The following MEI1 variants were observed in gnomAD, a reference collection of about 807,000 sequenced individuals.
The protein encoded by MEI1 is meiotic double-stranded break formation protein 1, also known as meiosis inhibitor protein 1.
MEI1 carries 103 observed loss-of-function variants against 146.2 expected under a neutral mutation model. That is an observed-to-expected ratio of 0.70 (90% CI 0.60 to 0.83). The LOEUF (loss-of-function observed/expected upper bound fraction) is 0.83, where lower values mean the gene tolerates loss of function less well. MEI1 is among the 40% of genes least tolerant of loss of function. The pLI, the probability that MEI1 is intolerant of heterozygous loss-of-function variation, is 0.00. For synonymous variants in MEI1, 652 were observed against 628.2 expected, an observed-to-expected ratio of 1.04 and a Z score of -0.57; for missense variants, 1,529 against 1,533.0, an observed-to-expected ratio of 1.00 and a Z score of 0.04.
intron 15 of MEI1, among the ~76,000 whole-genome samples, chr22:41,748,686 T>C (rs1172844662): frequency 6.6e-6 from 1 of 152,220 alleles, no homozygotes; most frequent in Non-Finnish European, 1.5e-5. Context: ...TCTATTATGA[T>C]TGTACTCATT....
At chr22:41,707,083 A>G (rs2069151574) in intron 3 of MEI1, among the ~76,000 whole-genome samples, 1 of 151,662 alleles carries the variant, frequency 6.6e-6, no homozygotes, top group Admixed American at 6.6e-5. Flanking sequence ...GGCACCTGTA[A>G]TCCCAGCTAC....
intron 22 of MEI1, among the ~76,000 whole-genome samples, chr22:41,779,980 G>A (rs2075671602): frequency 6.6e-6 from 1 of 152,162 alleles, no homozygotes; most frequent in African/African-American, 2.4e-5. Context: ...TGAAGATGGG[G>A]CATCTTCCCT....
At chr22:41,726,924 C>G (rs2071408659) in intron 7 of MEI1, among the ~76,000 whole-genome samples, 1 of 151,926 alleles carries the variant, frequency 6.6e-6, no homozygotes. Context: ...CAGGCGCCCG[C>G]CACCACACCC....
intron 19 of MEI1, among the ~76,000 whole-genome samples, chr22:41,768,628 A>G (rs1004252577): frequency 1.3e-5 from 2 of 152,222 alleles, no homozygotes; most frequent in Non-Finnish European, 2.9e-5. Flanking sequence ...TCTTACAGTC[A>G]TGGCAGAAAG....
rs140752749 is a variant in MEI1 at position 41,718,003 on chromosome 22, G to A, written c.530-68G>A. ...CATTACTACCCCGTTAGGAATAATA[G>A]ATTGGAGTTTCATATAGCAGTTGAC... On this transcript the variant is annotated intron_variant, in intron 5 of 30. Transcript: ENST00000401548. The A allele has an allele frequency of 2.8e-4, 356 of 1,250,962 alleles. No individual in the cohort carries two copies. In the African/African-American group the frequency reaches 4.7e-3, roughly 16 times the overall value. The allele number at this position is 1,250,962 out of a possible 1,614,324, so 77.5% of individuals were successfully genotyped here.
intron 5 of MEI1, 104 bp downstream of exon 5, chr22:41,716,250 T>A: frequency 1.3e-6 from 1 of 760,802 alleles, no homozygotes; most frequent in South Asian, 1.7e-5. Context: ...GTCATTACTT[T>A]CCTGCTTTAG....
intron 8 of MEI1, among the ~76,000 whole-genome samples, chr22:41,730,110 A>G (rs1043460712): frequency 1.3e-5 from 2 of 152,300 alleles, no homozygotes; most frequent in African/African-American, 4.8e-5. Context: ...TCACTATTTT[A>G]TAGATAAGGA....
chr22:41,799,016 G>A (rs1195134676), intron 30 of MEI1, among the ~76,000 whole-genome samples: 7 of 152,096 alleles, frequency 4.6e-5, no homozygotes, highest in African/African-American at 1.4e-4. Context: ...TGCTTCCTCT[G>A]CACCCCTCTG....
intron 26 of MEI1, among the ~76,000 whole-genome samples, chr22:41,786,257 G>C (rs960085442): frequency 8.5e-5 from 13 of 152,130 alleles, no homozygotes; most frequent in Non-Finnish European, 1.5e-5. Context: ...ATATTTCCAG[G>C]CTGGTCTCGA....
intron 6 of MEI1, among the ~76,000 whole-genome samples, chr22:41,723,729 T>C (rs2071073490): frequency 6.6e-6 from 1 of 152,226 alleles, no homozygotes; most frequent in African/African-American, 2.4e-5. Flanking sequence ...CTTGAATCCC[T>C]AGACCCTTAG....
intron 30 of MEI1, among the ~76,000 whole-genome samples, chr22:41,797,803 T>G (rs1249820157): frequency 6.6e-6 from 1 of 152,054 alleles, no homozygotes; most frequent in Non-Finnish European, 1.5e-5. Flanking sequence ...ACTCAACCTG[T>G]ACCTACCTCC....
At chr22:41,797,757 AAAC>A (rs1425942277) in intron 30 of MEI1, among the ~76,000 whole-genome samples, 4 of 152,174 alleles carry the variant, frequency 2.6e-5, no homozygotes, top group Non-Finnish European at 5.9e-5. Context: ...CTGAAATACA[AAAC>A]ACTTCTGGTC....
chr22:41,718,003 G>T (rs140752749), intron 5 of MEI1, 68 bp from the exon 6 acceptor site: 1 of 1,250,962 alleles, frequency 8.0e-7, no homozygotes, highest in Non-Finnish European at 1.1e-6. Context: ...AGGAATAATA[G>T]ATTGGAGTTT....
intron 24 of MEI1, 140 bp from the exon 25 acceptor site, chr22:41,784,199 G>A: frequency 2.9e-6 from 2 of 690,240 alleles, no homozygotes; most frequent in Middle Eastern, 4.0e-4. Flanking sequence ...GCAGCTTGGA[G>A]GACTCTGTGT....
chr22:41,704,863 C>T (rs555571885), intron 2 of MEI1, among the ~76,000 whole-genome samples: 29 of 151,962 alleles, frequency 1.9e-4, no homozygotes, highest in African/African-American at 6.3e-4. Flanking sequence ...TACAGGTGCC[C>T]GTCACCACGC....
Position 41,799,254 on chromosome 22 carries a change from C to G in MEI1, c.3780C>G (p.Leu1260=). ...SSGQPPLQDM[L]CLGGVAVSLS... Reference sequence around the variant, plus strand: ...TTTTCCTCTCATGTTTTGCTGCCAGCTGCCTGGGAGGGGTGGCTGTATCCC... The same window carrying G: ...TTTTCCTCTCATGTTTTGCTGCCAGGTGCCTGGGAGGGGTGGCTGTATCCC... Residue 1260 remains leucine, a splice_region_variant and synonymous_variant, in exon 31 of 31, where the codon CTC becomes CTG. Transcript: ENST00000401548. 1 of 1,613,246 alleles carries G rather than the reference C, an allele frequency of 6.2e-7. No individual in the cohort carries two copies. Among genetic ancestry groups the G allele is most frequent in the Admixed American group, 1.7e-5 (1 of 59,980 alleles).
At chr22:41,737,203 C>T (rs1240911685) in intron 11 of MEI1, among the ~76,000 whole-genome samples, 2 of 152,070 alleles carry the variant, frequency 1.3e-5, no homozygotes, top group Admixed American at 1.3e-4. Flanking sequence ...TATCAGACTG[C>T]TATAGCACCT....
At chr22:41,721,477 C>A (rs2070792749) in intron 6 of MEI1, among the ~76,000 whole-genome samples, 1 of 151,632 alleles carries the variant, frequency 6.6e-6, no homozygotes, top group African/African-American at 2.4e-5. Flanking sequence ...ATCTCCTGAC[C>A]TCGTGATTCG....
intron 3 of MEI1, among the ~76,000 whole-genome samples, chr22:41,711,740 C>T (rs76267848): frequency 0.013 from 2,033 of 152,184 alleles, 47 homozygotes; most frequent in African/African-American, 0.047. Context: ...CCAACCTTAC[C>T]AAATCTCTCC....
Sources: gnomAD v4.1 joint callset for allele counts (sites outside exome capture counted in the v4.1 genomes callset) on GRCh38, gnomAD v4.1.1 for gene constraint, MANE v1.5 for transcripts, NCBI Gene and HGNC (gene_info 2026-07-23, HGNC 2026-07-21) for gene names.